Variants in MATN2 observed in about 807,000 individuals in gnomAD.
The protein encoded by MATN2 is matrilin-2.
A neutral mutation model predicts 103.2 loss-of-function variants in MATN2; 69 were observed. The ratio of observed to expected loss-of-function variants is 0.67; its 90% CI spans 0.55 to 0.82. The LOEUF (loss-of-function observed/expected upper bound fraction) is 0.82. MATN2 is among the 40% of genes least tolerant of loss of function. The pLI is 0.00. For missense variants in MATN2, 1,023 were observed against 1,211.5 expected (o/e 0.84, Z 2.31); for synonymous variants, 429 against 450.2 (o/e 0.95, Z 0.60).
chr8:97,998,511 C>T (rs1431054445), intron 7 of MATN2, among the ~76,000 whole-genome samples: 2 of 104,814 alleles, frequency 1.9e-5, no homozygotes, highest in Non-Finnish European at 3.7e-5. Context: ...GACAGTGAGA[C>T]TCTGTCTCAA....
At chr8:98,027,026 G>A (rs1030328160) in intron 13 of MATN2, among the ~76,000 whole-genome samples, 16 of 152,106 alleles carry the variant, frequency 1.1e-4, no homozygotes, top group Non-Finnish European at 2.9e-5. Flanking sequence ...CTGTCAGAAT[G>A]CCAGCACTAG....
intron 4 of MATN2, among the ~76,000 whole-genome samples, chr8:97,956,573 A>G (rs2444879): frequency 0.96 from 146,128 of 152,284 alleles, 70,316 homozygotes; most frequent in Non-Finnish European, 1. Flanking sequence ...GACACGGAGG[A>G]GGTGGTTACT....
intron 5 of MATN2, among the ~76,000 whole-genome samples, chr8:97,971,413 G>A (rs750274628): frequency 6.6e-6 from 1 of 152,096 alleles, no homozygotes; most frequent in Non-Finnish European, 1.5e-5. Flanking sequence ...TAAGTGGAAC[G>A]TTCAATTCCA....
intron 18 of MATN2, 121 bp downstream of exon 18, chr8:98,033,780 C>A: frequency 1.4e-6 from 1 of 729,094 alleles, no homozygotes; most frequent in Non-Finnish European, 2.2e-6. Flanking sequence ...GAACAGTGAT[C>A]TCCAGGAAAG....
rs34704905 is a variant in MATN2, at chr8:97,881,913, C to CTTTTTTTTTTTTTT, written c.-26-6152_-26-6139dup. Reference sequence around the variant, plus strand: ...CTTTTCCCATTCCTTTATTACTTATCTTTTTTTTTTTTTTTTTTTTTTTGA... The same window carrying CTTTTTTTTTTTTTT: ...CTTTTCCCATTCCTTTATTACTTATCTTTTTTTTTTTTTTTTTTTTTTTTTTTTTTTTTTTTTGA... On this transcript the variant is annotated intron_variant, in intron 1 of 18. Transcript: ENST00000254898. Among the ~76,000 whole-genome samples the CTTTTTTTTTTTTTT allele has an allele frequency of 9.6e-4, 81 of 84,112 alleles. 1 individual carries two copies. Among genetic ancestry groups the CTTTTTTTTTTTTTT allele is most frequent in the Non-Finnish European group, 1.2e-3 (57 of 47,054 alleles). The allele number at this position is 84,112 out of a possible 152,430, so 55.2% of individuals were successfully genotyped here. A position where few individuals can be genotyped will look rare whatever the true frequency, so the allele number is the denominator to read the frequency against.
intron 2 of MATN2, among the ~76,000 whole-genome samples, chr8:97,914,418 TGGAGAGCA>T (rs1809552369): frequency 8.0e-6 from 1 of 125,732 alleles, no homozygotes; most frequent in South Asian, 2.7e-4. Flanking sequence ...TGGCCCAAGC[TGGAGAGCA>T]GTGGCACAAT....
At chr8:98,020,240 G>C (rs1813539499) in intron 12 of MATN2, among the ~76,000 whole-genome samples, 2 of 152,114 alleles carry the variant, frequency 1.3e-5, no homozygotes, top group Non-Finnish European at 2.9e-5. Flanking sequence ...CCACCTCCTG[G>C]GCTCAAGCGA....
intron 1 of MATN2, among the ~76,000 whole-genome samples, chr8:97,870,144 A>ACAGGTAAACAT (rs1817843191): frequency 1.3e-5 from 2 of 152,158 alleles, no homozygotes; most frequent in Non-Finnish European, 2.9e-5. Flanking sequence ...CAGGGTTGAT[A>ACAGGTAAACAT]ACTTGAAGGT....
Position 97,973,058 on chromosome 8 carries a change from C to T in MATN2, c.959-5828C>T, listed in dbSNP as rs1811714114. 2.0e-5 allele frequency among the ~76,000 whole-genome samples: 3 copies of T among 152,188 alleles called. 1 individual carries two copies. The South Asian group carries it at 6.2e-4, about 32-fold the overall frequency. On this transcript the variant is annotated intron_variant, in intron 5 of 18. Coordinates refer to ENST00000254898, the MANE Select transcript of MATN2 (RefSeq NM_002380.5). ...AACCACTTGGCAAATAACATTAGAG[C>T]TGAATGCCCTAGAACTCTCTTGGCC...
intron 10 of MATN2, among the ~76,000 whole-genome samples, chr8:98,014,669 TC>T (rs1317743377): frequency 1.3e-5 from 2 of 152,220 alleles, no homozygotes; most frequent in African/African-American, 4.8e-5. Flanking sequence ...TTTGTCTGGT[TC>T]TTTCTCTTGT....
Position 97,996,157 on chromosome 8 carries a change from A to C in MATN2, c.1204+1555A>C, listed in dbSNP as rs1274928097. Among the ~76,000 whole-genome samples, 3 of 152,166 alleles carry C rather than the reference A, an allele frequency of 2.0e-5. No homozygotes were observed. The East Asian group carries it at 5.8e-4, about 29-fold the overall frequency. On this transcript the variant is annotated intron_variant, in intron 7 of 18. Transcript: ENST00000254898. ...TTGCAAGCTTCCTCATGTGTTACTA[A>C]TGGAGGGGAAAAAGGAAACAAGTTA...
intron 2 of MATN2, among the ~76,000 whole-genome samples, chr8:97,907,875 C>G (rs1195318481): frequency 1.3e-5 from 2 of 152,048 alleles, no homozygotes; most frequent in Admixed American, 1.3e-4. Flanking sequence ...GTCACTTTGA[C>G]GCCTATAATC....
chr8:97,955,703 G>A (rs915462770), intron 4 of MATN2, among the ~76,000 whole-genome samples: 5 of 152,140 alleles, frequency 3.3e-5, no homozygotes, highest in African/African-American at 1.2e-4. Flanking sequence ...TTAGAGACAT[G>A]GCTCTGTCCT....
chr8:97,973,097 AG>A (rs1452806278), intron 5 of MATN2, among the ~76,000 whole-genome samples: 1 of 152,220 alleles, frequency 6.6e-6, no homozygotes, highest in African/African-American at 2.4e-5. Flanking sequence ...AAAAACTGTT[AG>A]ATTCACATGC....
intron 3 of MATN2, among the ~76,000 whole-genome samples, chr8:97,937,842 G>A (rs1045784432): frequency 6.6e-6 from 1 of 152,020 alleles, no homozygotes; most frequent in African/African-American, 2.4e-5. Flanking sequence ...GCCTCCCAAA[G>A]TGCTGGTATT....
chr8:97,956,441 T>G (rs940313696), intron 4 of MATN2, among the ~76,000 whole-genome samples: 1 of 152,182 alleles, frequency 6.6e-6, no homozygotes, highest in African/African-American at 2.4e-5. Context: ...TCTCCGAAAA[T>G]GCTGGGATTA....
At chr8:97,996,061 GT>G (rs1280211816) in intron 7 of MATN2, among the ~76,000 whole-genome samples, 1 of 152,196 alleles carries the variant, frequency 6.6e-6, no homozygotes, top group Non-Finnish European at 1.5e-5. Flanking sequence ...TCACTCCCAG[GT>G]GGACTCAAAT....
chr8:97,988,841 T>C (rs1487977585), intron 6 of MATN2, among the ~76,000 whole-genome samples: 1 of 152,128 alleles, frequency 6.6e-6, no homozygotes, highest in African/African-American at 2.4e-5. Flanking sequence ...ACTCATCCTA[T>C]GAGGCTATCA....
chr8:97,890,271 C>A (rs1412678980), intron 2 of MATN2, among the ~76,000 whole-genome samples: 1 of 152,094 alleles, frequency 6.6e-6, no homozygotes, highest in Non-Finnish European at 1.5e-5. Context: ...TCGAGACCAG[C>A]CTGACCAACA....
Sources: allele counts gnomAD v4.1 joint callset (sites outside exome capture counted in the v4.1 genomes callset), GRCh38; gene constraint gnomAD v4.1.1; transcripts MANE v1.5; gene names NCBI Gene and HGNC (gene_info 2026-07-23, HGNC 2026-07-21).